The following NDST3 variants were observed in gnomAD, a reference collection of about 807,000 sequenced individuals.
The protein encoded by NDST3 is bifunctional heparan sulfate N-deacetylase/N-sulfotransferase 3.
In NDST3, 58 loss-of-function variants were observed where a neutral mutation model predicts 96.1. The observed-to-expected ratio is 0.60, with a 90% CI of 0.49 to 0.75. The LOEUF (loss-of-function observed/expected upper bound fraction) is 0.75. NDST3 is among the 30% of genes least tolerant of loss of function. The pLI is 0.00. For synonymous variants in NDST3, 333 were observed against 359.7 expected, an observed-to-expected ratio of 0.93 and a Z score of 0.84; for missense variants, 788 against 1,034.2, an observed-to-expected ratio of 0.76 and a Z score of 3.27.
intron 6 of NDST3, among the ~76,000 whole-genome samples, chr4:118,223,043 T>A (rs1213736671): frequency 1.3e-5 from 2 of 151,962 alleles, no homozygotes; most frequent in South Asian, 2.1e-4. Flanking sequence ...CTAACCAGGT[T>A]AAAAATACAC....
chr4:118,128,196 C>T (rs574149320), intron 4 of NDST3, among the ~76,000 whole-genome samples: 20 of 152,074 alleles, frequency 1.3e-4, no homozygotes, highest in Non-Finnish European at 2.5e-4. Flanking sequence ...TTTCTGATTG[C>T]TCTAGCTACG....
intron 2 of NDST3, among the ~76,000 whole-genome samples, chr4:118,066,451 A>G (rs111215790): frequency 9.0e-4 from 5 of 5,574 alleles, no homozygotes; most frequent in Admixed American, 7.1e-3. Context: ...TATGTTATAT[A>G]TTATATATAC....
At chr4:118,201,059 TA>T (rs1252610983) in intron 6 of NDST3, among the ~76,000 whole-genome samples, 10 of 152,216 alleles carry the variant, frequency 6.6e-5, no homozygotes, top group African/African-American at 2.4e-4. Flanking sequence ...GTTTCTGCAT[TA>T]ATTTGCTGAG....
chr4:118,146,037 G>A (rs2125909622), intron 6 of NDST3, among the ~76,000 whole-genome samples: 1 of 152,354 alleles, frequency 6.6e-6, no homozygotes, highest in Non-Finnish European at 1.5e-5. Context: ...GTAGTGGCAT[G>A]TTTCCCATGA....
chr4:118,258,002 A>C lies in NDST3; in HGVS notation c.*2290A>C, dbSNP rs2126019998. 6.6e-6 allele frequency: 1 copy of C among 152,374 alleles called. No homozygotes were observed. Among genetic ancestry groups the C allele is most frequent in the East Asian group, 1.9e-4 (1 of 5,190 alleles). 9.4% of individuals were successfully genotyped at this position (152,374 alleles called of 1,614,324 possible). A position where few individuals can be genotyped will look rare whatever the true frequency, so the allele number is the denominator to read the frequency against. Reference sequence around the variant, plus strand: ...TGGCAACAACATTTATTCTAATAAAAAAAGAAAAGAAAAACTGATACATTT... The same window carrying C: ...TGGCAACAACATTTATTCTAATAAACAAAGAAAAGAAAAACTGATACATTT... On this transcript the variant is annotated 3_prime_UTR_variant, in exon 14 of 14. Transcript: ENST00000296499.
chr4:118,173,722 G>C (rs559064050), intron 6 of NDST3, among the ~76,000 whole-genome samples: 27 of 152,202 alleles, frequency 1.8e-4, no homozygotes, highest in African/African-American at 6.3e-4. Flanking sequence ...TCTGTATACA[G>C]TATGTATATG....
chr4:118,227,363 AATC>A (rs991631141), intron 8 of NDST3, among the ~76,000 whole-genome samples: 10 of 152,128 alleles, frequency 6.6e-5, no homozygotes, highest in Non-Finnish European at 1.0e-4. Flanking sequence ...CTTTATAATA[AATC>A]CCTTCTAGAA....
At chr4:118,194,614 G>T in intron 6 of NDST3, 1 of 719,248 alleles carries the variant, frequency 1.4e-6, no homozygotes, top group South Asian at 1.4e-5. Flanking sequence ...CCCCAATCAT[G>T]GGCATCTCTG....
chr4:118,084,368 TA>T (rs1728256339), intron 2 of NDST3, among the ~76,000 whole-genome samples: 1 of 152,212 alleles, frequency 6.6e-6, no homozygotes, highest in African/African-American at 2.4e-5. Context: ...TTTAAAAAAA[TA>T]GTATCCACGA....
chr4:118,116,318 A>G (rs1455250069), intron 4 of NDST3, among the ~76,000 whole-genome samples: 2 of 152,216 alleles, frequency 1.3e-5, no homozygotes, highest in African/African-American at 4.8e-5. Context: ...TAAATACACT[A>G]AAGTAAAGCA....
At chr4:118,159,347 C>G (rs548189795) in intron 6 of NDST3, among the ~76,000 whole-genome samples, 18 of 152,116 alleles carry the variant, frequency 1.2e-4, no homozygotes, top group Non-Finnish European at 2.5e-4. Flanking sequence ...CAGTAAATCC[C>G]TCTAATTGAG....
At chr4:118,178,003 C>G (rs1479080019) in intron 6 of NDST3, among the ~76,000 whole-genome samples, 2 of 151,660 alleles carry the variant, frequency 1.3e-5, no homozygotes, top group Non-Finnish European at 2.9e-5. Flanking sequence ...GAATGAGTAA[C>G]TAATTCAGTC....
intron 4 of NDST3, among the ~76,000 whole-genome samples, chr4:118,130,377 A>G (rs566312031): frequency 8.4e-4 from 128 of 152,210 alleles, no homozygotes; most frequent in African/African-American, 2.7e-3. Context: ...AGACTAGTAA[A>G]TACTGTCTTG....
chr4:118,136,118 T>C (rs960470952), intron 4 of NDST3, among the ~76,000 whole-genome samples: 1 of 152,228 alleles, frequency 6.6e-6, no homozygotes, highest in Non-Finnish European at 1.5e-5. Context: ...AATTTGCAGA[T>C]GCTTGAATTT....
intron 1 of NDST3, among the ~76,000 whole-genome samples, chr4:118,039,522 T>C (rs936617647): frequency 2.0e-5 from 3 of 152,202 alleles, no homozygotes; most frequent in Admixed American, 6.5e-5. Context: ...TTCCAAGCTA[T>C]GGAGAAAAAT....
chr4:118,062,501 T>C (rs1033653386), intron 2 of NDST3, among the ~76,000 whole-genome samples: 1 of 152,116 alleles, frequency 6.6e-6, no homozygotes, highest in East Asian at 1.9e-4. Flanking sequence ...CTTACTTATT[T>C]CTACATTTGA....
intron 10 of NDST3, among the ~76,000 whole-genome samples, chr4:118,237,460 G>T (rs1477976372): frequency 1.5e-5 from 2 of 134,660 alleles, no homozygotes; most frequent in Non-Finnish European, 3.5e-5. Flanking sequence ...TGCAATAAAA[G>T]AAACTAAATT....
At chr4:118,152,823 A>G (rs1373890768) in intron 6 of NDST3, among the ~76,000 whole-genome samples, 3 of 152,224 alleles carry the variant, frequency 2.0e-5, no homozygotes, top group Non-Finnish European at 4.4e-5. Flanking sequence ...TATTCTCCAT[A>G]TCAAGATTCA....
At chr4:118,062,907 C>G (rs1726011331) in intron 2 of NDST3, among the ~76,000 whole-genome samples, 1 of 151,962 alleles carries the variant, frequency 6.6e-6, no homozygotes, top group Non-Finnish European at 1.5e-5. Context: ...AGGTCTGATA[C>G]AGTCTGGGCA....
Sources: gnomAD v4.1 joint callset for allele counts (sites outside exome capture counted in the v4.1 genomes callset) on GRCh38, gnomAD v4.1.1 for gene constraint, MANE v1.5 for transcripts, NCBI Gene and HGNC (gene_info 2026-07-23, HGNC 2026-07-21) for gene names.